PRKCE: variants seen among roughly 807,000 people sequenced by gnomAD.
PRKCE encodes the protein protein kinase C epsilon.
In PRKCE, 16 loss-of-function variants were observed where a neutral mutation model predicts 85.4. The ratio of observed to expected loss-of-function variants is 0.19; its 90% CI spans 0.13 to 0.28. PRKCE has a LOEUF of 0.28. Among genes scored for constraint, PRKCE ranks in the 10% least tolerant of loss-of-function variants. The pLI is 1.00. For missense variants in PRKCE, 573 were observed against 975.2 expected (o/e 0.59, Z 5.49); for synonymous variants, 388 against 371.5 (o/e 1.04, Z -0.51).
chr2:46,135,746 CTTTT>C lies in PRKCE; in HGVS notation c.1593-9323_1593-9320del, dbSNP rs11417233. ...ACCTTGGGTTCAGAAACAAATTATG[CTTTT>C]TTTTTTTTTTTTTTTTTTTTTTTAA... On this transcript the variant is annotated intron_variant, in intron 11 of 14. Transcript: ENST00000306156. 4.5e-3 allele frequency among the ~76,000 whole-genome samples: 92 copies of C among 20,656 alleles called. 1 individual carries two copies. The highest frequency in any genetic ancestry group is 0.012 in the Admixed American group (11 of 908). 13.6% of individuals were successfully genotyped at this position (20,656 alleles called of 152,430 possible).
intron 6 of PRKCE, among the ~76,000 whole-genome samples, chr2:45,988,793 G>T (rs569484496): frequency 6.6e-6 from 1 of 152,324 alleles, no homozygotes; most frequent in African/African-American, 2.4e-5. Context: ...AGCATCGCTA[G>T]TCTCGGGCAT....
At chr2:45,928,360 C>T (rs546671318) in intron 2 of PRKCE, among the ~76,000 whole-genome samples, 59 of 152,350 alleles carry the variant, frequency 3.9e-4, no homozygotes, top group African/African-American at 1.2e-3. Context: ...CTCCGCCTCG[C>T]GGGTTGAAGC....
intron 2 of PRKCE, among the ~76,000 whole-genome samples, chr2:45,883,126 A>C (rs998213262): frequency 6.6e-6 from 1 of 152,248 alleles, no homozygotes; most frequent in Non-Finnish European, 1.5e-5. Flanking sequence ...ACTGACTCTC[A>C]TTCCTGCAGC....
chr2:45,690,502 G>A (rs921937802), intron 1 of PRKCE, among the ~76,000 whole-genome samples: 2 of 152,172 alleles, frequency 1.3e-5, no homozygotes, highest in South Asian at 4.1e-4. Context: ...AATTTTACCC[G>A]TGTGAGAATT....
At chr2:45,757,999 T>C (rs1684151097) in intron 1 of PRKCE, among the ~76,000 whole-genome samples, 1 of 152,160 alleles carries the variant, frequency 6.6e-6, no homozygotes, top group African/African-American at 2.4e-5. Flanking sequence ...TTAAAGGCAG[T>C]GAGGTACAAA....
intron 10 of PRKCE, among the ~76,000 whole-genome samples, chr2:46,071,059 G>A (rs1402062954): frequency 6.6e-6 from 1 of 152,172 alleles, no homozygotes; most frequent in Non-Finnish European, 1.5e-5. Flanking sequence ...GTTCTCTTAA[G>A]TAAACCAAAT....
intron 14 of PRKCE, among the ~76,000 whole-genome samples, chr2:46,173,347 A>G (rs891873516): frequency 1.3e-5 from 2 of 152,224 alleles, no homozygotes; most frequent in Non-Finnish European, 2.9e-5. Context: ...CACCACATCT[A>G]AAATATTTAC....
chr2:45,846,092 G>A (rs141459338), intron 2 of PRKCE, among the ~76,000 whole-genome samples: 3 of 152,196 alleles, frequency 2.0e-5, no homozygotes, highest in East Asian at 1.9e-4. Flanking sequence ...TACTTGCATC[G>A]TAAGTAATAA....
chr2:46,058,941 T>C (rs1293565802), intron 10 of PRKCE, among the ~76,000 whole-genome samples: 1 of 152,224 alleles, frequency 6.6e-6, no homozygotes, highest in Non-Finnish European at 1.5e-5. Flanking sequence ...CAAGTGATCC[T>C]CTTGCCTTCA....
intron 2 of PRKCE, among the ~76,000 whole-genome samples, chr2:45,946,231 T>A (rs553276043): frequency 1.3e-5 from 2 of 152,332 alleles, no homozygotes; most frequent in South Asian, 4.1e-4. Flanking sequence ...TTGATAAGAT[T>A]GTGGTGGTTT....
At chr2:46,152,412 C>T (rs1338038728) in intron 13 of PRKCE, among the ~76,000 whole-genome samples, 1 of 152,016 alleles carries the variant, frequency 6.6e-6, no homozygotes, top group African/African-American at 2.4e-5. Context: ...GAACTCTTGA[C>T]CTCAGGTGAT....
chr2:46,139,684 GTA>G lies in PRKCE; in HGVS notation c.1593-5401_1593-5400del, dbSNP rs10699349. 6.6e-6 allele frequency among the ~76,000 whole-genome samples: 1 copy of G among 150,574 alleles called. No homozygotes were observed. Among genetic ancestry groups the G allele is most frequent in the Non-Finnish European group, 1.5e-5 (1 of 67,796 alleles). Reference sequence around the variant, plus strand: ...TAGAGGAACATATATATATATATGCGTATATATATGTGTGTGTATATATATAC... The same window carrying G: ...TAGAGGAACATATATATATATATGCGTATATATGTGTGTGTATATATATAC... On this transcript the variant is annotated intron_variant, in intron 11 of 14. Transcript: ENST00000306156. This position sits in a 1 kb window ranked among gnomAD's most constrained non-coding sequence, Gnocchi z 5.2.
At chr2:46,160,325 C>G (rs1019881408) in intron 14 of PRKCE, among the ~76,000 whole-genome samples, 3 of 152,154 alleles carry the variant, frequency 2.0e-5, no homozygotes, top group African/African-American at 7.2e-5. Flanking sequence ...GATTCTCAGG[C>G]CTGCTGTGAT....
chr2:45,931,470 C>A (rs77423777), intron 2 of PRKCE, among the ~76,000 whole-genome samples: 1,708 of 152,288 alleles, frequency 0.011, 39 homozygotes, highest in African/African-American at 0.038. Context: ...AGTTCATTGA[C>A]CTAAATTTTC....
At chr2:45,783,826 CTTG>C (rs1686383360) in intron 1 of PRKCE, among the ~76,000 whole-genome samples, 1 of 152,208 alleles carries the variant, frequency 6.6e-6, no homozygotes, top group African/African-American at 2.4e-5. Context: ...CTACTCCGGA[CTTG>C]TTGAATCTGA....
chr2:45,752,170 G>A (rs1683630170), intron 1 of PRKCE, among the ~76,000 whole-genome samples: 1 of 152,160 alleles, frequency 6.6e-6, no homozygotes, highest in Non-Finnish European at 1.5e-5. Flanking sequence ...TAACTGATAT[G>A]TGTTGAATAC....
At chr2:45,797,163 A>G (rs1179949606) in intron 1 of PRKCE, among the ~76,000 whole-genome samples, 1 of 152,168 alleles carries the variant, frequency 6.6e-6, no homozygotes. Flanking sequence ...GTATAGTATC[A>G]TTAGCTTGTT....
chr2:45,897,412 C>G (rs1316565698), intron 2 of PRKCE, among the ~76,000 whole-genome samples: 1 of 152,152 alleles, frequency 6.6e-6, no homozygotes, highest in East Asian at 1.9e-4. Context: ...CTTTTTTGGT[C>G]AGGTTGCCCA....
intron 1 of PRKCE, among the ~76,000 whole-genome samples, chr2:45,716,682 A>C (rs1680134298): frequency 7.9e-6 from 1 of 126,070 alleles, no homozygotes; most frequent in Admixed American, 8.8e-5. Flanking sequence ...AAGAAGAAGA[A>C]GAAGAAGAGA....
Sources: gnomAD v4.1 joint callset for allele counts (sites outside exome capture counted in the v4.1 genomes callset) on GRCh38, gnomAD v4.1.1 for gene constraint, Gnocchi (gnomAD v3.1) non-coding constraint, MANE v1.5 for transcripts, NCBI Gene and HGNC (gene_info 2026-07-23, HGNC 2026-07-21) for gene names.